EPHA1: variants seen among roughly 807,000 people sequenced by gnomAD.
EPHA1 encodes the protein ephrin type-A receptor 1.
Under a neutral mutation model 110.1 loss-of-function variants are expected in EPHA1, and 92 were observed. That is an observed-to-expected ratio of 0.84 (90% CI 0.71 to 0.99). EPHA1 has a LOEUF of 0.99. EPHA1 is among the 50% of genes least tolerant of loss of function. The pLI is 0.00. For missense variants in EPHA1, 1,204 were observed against 1,285.4 expected, an observed-to-expected ratio of 0.94 and a Z score of 0.97; for synonymous variants, 500 against 516.1, an observed-to-expected ratio of 0.97 and a Z score of 0.42.
intron 5 of EPHA1, 41 bp from the exon 6 acceptor site, chr7:143,398,986 T>C (rs1465688253): frequency 6.6e-7 from 1 of 1,513,362 alleles, no homozygotes; most frequent in South Asian, 1.3e-5. Context: ...CCGACCTCGC[T>C]GTCACCCGAG....
At position 143,396,490 on chromosome 7, in the gene EPHA1, G is replaced by T; in HGVS notation, c.1792C>A (p.Pro598Thr). 2 of 1,613,984 alleles carry T rather than the reference G, an allele frequency of 1.2e-6. No homozygotes were observed. The highest frequency in any genetic ancestry group is 1.7e-6 in the Non-Finnish European group (2 of 1,179,928). The change falls in exon 11 of 18, where the codon CCT becomes ACT. Residue 598 changes from proline (P) to threonine (T), a missense_variant. Coordinates refer to ENST00000275815, the MANE Select transcript of EPHA1 (RefSeq NM_005232.5). Reference protein sequence around the residue: ...VDREDKLWLKPYVDLQAYEDP... With the variant: ...VDREDKLWLKTYVDLQAYEDP... ...TCGTATGCCTGGAGGTCCACATAAG[G>T]CTTCAGCCACAGCTTGTCCTCTATG...
At position 143,395,549 on chromosome 7, in the gene EPHA1, TCCTCCAGGGGACAGGCAGCAAC is replaced by T. The variant is rs764417276; in HGVS notation, c.1898-67_1898-46del. On this transcript the variant is annotated intron_variant, in intron 11 of 17. Transcript: ENST00000275815. This position sits in a 1 kb window ranked among gnomAD's most constrained non-coding sequence, Gnocchi z 4.7. ...GCTGTGGCCCGATGCACTGCAGGGC[TCCTCCAGGGGACAGGCAGCAAC>T]CCCTCCAGTCCTCCGGCCCTTTTCT... 1.9e-6 allele frequency: 3 copies of T among 1,593,842 alleles called. No homozygotes were observed. Among genetic ancestry groups the T allele is most frequent in the Non-Finnish European group, 2.6e-6 (3 of 1,165,968 alleles).
At chr7:143,397,064 AC>A (rs1805271777) in intron 10 of EPHA1, among the ~76,000 whole-genome samples, 1 of 152,306 alleles carries the variant, frequency 6.6e-6, no homozygotes, top group Admixed American at 6.5e-5. Flanking sequence ...GTGAACGGAC[AC>A]TAACAGATAA....
chr7:143,407,698 A>T lies in EPHA1; in HGVS notation c.83-20T>A. ...GAGTAACTGAAAGTGGGGAGAAAAG[A>T]AGTCTGTCACCTCTGGGGGAGGAGG... is the stretch of plus-strand genomic sequence containing the variant. On this transcript the variant is annotated intron_variant, in intron 1 of 17. Coordinates refer to ENST00000275815, the MANE Select transcript of EPHA1 (RefSeq NM_005232.5). The T allele has an allele frequency of 6.2e-7, 1 of 1,611,968 alleles. No individual in the cohort carries two copies. The highest frequency in any genetic ancestry group is 8.5e-7 in the Non-Finnish European group (1 of 1,178,662).
intron 4 of EPHA1, 105 bp from the exon 5 acceptor site, chr7:143,399,518 ATG>A (rs1363621534): frequency 4.5e-6 from 7 of 1,550,072 alleles, no homozygotes; most frequent in African/African-American, 1.4e-5. Flanking sequence ...ACATCTCTGC[ATG>A]TGTGTGTCCG....
intron 10 of EPHA1, among the ~76,000 whole-genome samples, chr7:143,396,899 C>T (rs1230970546): frequency 6.6e-6 from 1 of 152,152 alleles, no homozygotes; most frequent in Non-Finnish European, 1.5e-5. Flanking sequence ...CCCTCACTCT[C>T]CCCTTTGTGG....
chr7:143,401,573 T>C lies in EPHA1; in HGVS notation c.183A>G (p.Thr61=), dbSNP rs1389975614. ...WSEQQQILNG[T]PLYMYQDCPM... The stretch of plus-strand genomic sequence containing the variant: ...GGCAGTCCTGGTACATGTACAGGGG[T>C]GTCCCATTCAGTATCTGTTGCTGTT... Residue 61 remains threonine, a synonymous_variant, in exon 3 of 18, where the codon ACA becomes ACG. Transcript: ENST00000275815. The surrounding 1 kb of genome is among the most constrained non-coding windows in gnomAD (Gnocchi z 4.1). 1.9e-6 allele frequency: 3 copies of C among 1,613,682 alleles called. No individual in the cohort carries two copies. Among genetic ancestry groups the C allele is most frequent in the Non-Finnish European group, 2.5e-6 (3 of 1,179,850 alleles).
intron 1 of EPHA1, among the ~76,000 whole-genome samples, chr7:143,408,241 A>C (rs1805611051): frequency 2.0e-5 from 3 of 152,248 alleles, no homozygotes; most frequent in Admixed American, 1.3e-4. Flanking sequence ...TCCAACTTTC[A>C]CATGGAATAT....
chr7:143,403,379 C>A (rs1397001538), intron 2 of EPHA1, among the ~76,000 whole-genome samples: 2 of 151,748 alleles, frequency 1.3e-5, no homozygotes. Flanking sequence ...TCAAAAAAGT[C>A]TTTGAAAGAT....
intron 2 of EPHA1, among the ~76,000 whole-genome samples, chr7:143,404,299 C>T (rs890704111): frequency 2.0e-5 from 3 of 151,528 alleles, no homozygotes; most frequent in Admixed American, 1.3e-4. Flanking sequence ...TCACTGCAAG[C>T]TCTGCCTCCA....
Position 143,401,621 on chromosome 7 carries a change from C to A in EPHA1, c.151-16G>T. On this transcript the variant is annotated splice_polypyrimidine_tract_variant and intron_variant, in intron 2 of 17. Coordinates refer to ENST00000275815, the MANE Select transcript of EPHA1 (RefSeq NM_005232.5). This position sits in a 1 kb window ranked among gnomAD's most constrained non-coding sequence, Gnocchi z 4.1. The stretch of plus-strand genomic sequence containing the variant: ...GTTCACTCCACTGCAAGGAGGAAAT[C>A]AGAGTCAGGGACCAGATCATCCCCT... 1.2e-6 allele frequency: 2 copies of A among 1,604,148 alleles called. No individual in the cohort carries two copies. Among genetic ancestry groups the A allele is most frequent in the South Asian group, 1.1e-5 (1 of 90,692 alleles).
At position 143,404,510 on chromosome 7, in the gene EPHA1, C is replaced by T. The variant is rs1162405292; in HGVS notation, c.151-2905G>A. On this transcript the variant is annotated intron_variant, in intron 2 of 17. Transcript: ENST00000275815. ...GGGATTACAGGTGTGAGCCACCGCGCGTGGCTATGGAGAGATATATCTTTA... is the reference window on the plus strand; with the variant it reads ...GGGATTACAGGTGTGAGCCACCGCGTGTGGCTATGGAGAGATATATCTTTA... Among the ~76,000 whole-genome samples, 5 of 152,006 alleles carry T rather than the reference C, an allele frequency of 3.3e-5. No individual in the cohort carries two copies. In the East Asian group the frequency reaches 5.8e-4, roughly 18 times the overall value.
At chr7:143,396,584 C>T in intron 10 of EPHA1, 74 bp from the exon 11 acceptor site, 4 of 1,552,766 alleles carry the variant, frequency 2.6e-6, no homozygotes, top group African/African-American at 1.4e-5. Flanking sequence ...GAAGGGCCAG[C>T]AGCGGACCAC....
chr7:143,393,986 AG>A lies in EPHA1; in HGVS notation c.2503-123del. ...TAGGATGGGAGGAGGTGGGAGGACC[AG>A]GGTGGGACGATCACAGTGGGAGGAT... On this transcript the variant is annotated intron_variant, in intron 15 of 17. Coordinates refer to ENST00000275815, the MANE Select transcript of EPHA1 (RefSeq NM_005232.5). The surrounding 1 kb of genome is among the most constrained non-coding windows in gnomAD (Gnocchi z 5.6). 1 of 1,299,802 alleles carries A rather than the reference AG, an allele frequency of 7.7e-7. No homozygotes were observed. The highest frequency in any genetic ancestry group is 1.5e-5 in the South Asian group (1 of 66,940). 80.5% of individuals were successfully genotyped at this position (1,299,802 alleles called of 1,614,324 possible).
At position 143,397,910 on chromosome 7, in the gene EPHA1, G is replaced by T; in HGVS notation, c.1615+10C>A. 6.2e-7 allele frequency: 1 copy of T among 1,613,750 alleles called. No homozygotes were observed. Among genetic ancestry groups the T allele is most frequent in the Non-Finnish European group, 8.5e-7 (1 of 1,179,714 alleles). ...GTATGTGTGTTGGGGCAGAGCACAA[G>T]ATACCCCACCTGGTGGGCTGGTCCG... On this transcript the variant is annotated intron_variant, in intron 8 of 17. Coordinates refer to ENST00000275815, the MANE Select transcript of EPHA1 (RefSeq NM_005232.5).
At chr7:143,407,760 A>AG in intron 1 of EPHA1, 82 bp from the exon 2 acceptor site, 27 of 1,263,594 alleles carry the variant, frequency 2.1e-5, no homozygotes, top group Non-Finnish European at 3.1e-5. Context: ...CTGGGGCCTC[A>AG]GCCCCAGGCT....
At chr7:143,396,613 C>T (rs1805259508) in intron 10 of EPHA1, 103 bp from the exon 11 acceptor site, 1 of 1,426,784 alleles carries the variant, frequency 7.0e-7, no homozygotes, top group Non-Finnish European at 9.5e-7. Flanking sequence ...CCACACCTCC[C>T]TGTTTCCCAA....
At position 143,397,661 on chromosome 7, in the gene EPHA1, T is replaced by C. The variant is rs1321465752; in HGVS notation, c.1616-4A>G. On this transcript the variant is annotated splice_region_variant and splice_polypyrimidine_tract_variant and intron_variant, in intron 8 of 17. Coordinates refer to ENST00000275815, the MANE Select transcript of EPHA1 (RefSeq NM_005232.5). Reference sequence around the variant, plus strand: ...CCTCCAGTCAGGCCCCTGGACACTGTAGGCACAAAGGGATGAGGAAGTGTT... The same window carrying C: ...CCTCCAGTCAGGCCCCTGGACACTGCAGGCACAAAGGGATGAGGAAGTGTT... The C allele has an allele frequency of 1.2e-6, 2 of 1,613,834 alleles. No homozygotes were observed. Among genetic ancestry groups the C allele is most frequent in the African/African-American group, 1.3e-5 (1 of 74,880 alleles).
At chr7:143,399,567 C>T (rs139214453) in intron 4 of EPHA1, 84 bp downstream of exon 4, 635 of 1,580,992 alleles carry the variant, frequency 4.0e-4, no homozygotes, top group Middle Eastern at 2.0e-3. Context: ...CCCACTGAGG[C>T]GGAGCACTGG....
Sources: gnomAD v4.1 joint callset for allele counts (sites outside exome capture counted in the v4.1 genomes callset) on GRCh38, gnomAD v4.1.1 for gene constraint, Gnocchi (gnomAD v3.1) non-coding constraint, MANE v1.5 for transcripts, NCBI Gene and HGNC (gene_info 2026-07-23, HGNC 2026-07-21) for gene names.